MOK: variants seen among roughly 807,000 people sequenced by gnomAD.
MOK encodes MAPK/MAK/MRK overlapping kinase.
Under a neutral mutation model 54.2 loss-of-function variants are expected in MOK, and 59 were observed. The observed-to-expected ratio is 1.09, with a 90% CI of 0.88 to 1.35. MOK has a LOEUF of 1.35. Ranked by LOEUF, MOK falls within the 40% of genes most tolerant of loss-of-function variation. The pLI, the probability that MOK is intolerant of heterozygous loss-of-function variation, is 0.00. For missense variants in MOK, 517 were observed against 526.2 expected, an observed-to-expected ratio of 0.98 and a Z score of 0.17; for synonymous variants, 210 against 202.7, an observed-to-expected ratio of 1.04 and a Z score of -0.31.
chr14:102,258,518 C>A (rs1425705179), intron 4 of MOK, among the ~76,000 whole-genome samples: 2 of 152,218 alleles, frequency 1.3e-5, no homozygotes, highest in Non-Finnish European at 2.9e-5. Context: ...AGTGTGAGCT[C>A]CACATGGGTG....
Position 102,232,888 on chromosome 14 carries a change from T to C in MOK, c.693-180A>G. 1 of 520,356 alleles carries C rather than the reference T, an allele frequency of 1.9e-6. No homozygotes were observed. Among genetic ancestry groups the C allele is most frequent in the South Asian group, 3.2e-5 (1 of 31,254 alleles). 32.2% of individuals were successfully genotyped at this position (520,356 alleles called of 1,614,324 possible). On this transcript the variant is annotated intron_variant, in intron 8 of 11. Coordinates refer to ENST00000361847, the MANE Select transcript of MOK (RefSeq NM_014226.3). The surrounding 1 kb of genome is among the most constrained non-coding windows in gnomAD (Gnocchi z 5.1). ...GACCCCTGATGTAAATGATGGGCTC[T>C]GTGTAGTAATGAGATATCCACGGTT...
chr14:102,284,509 C>G (rs1034251230), intron 1 of MOK, among the ~76,000 whole-genome samples: 5 of 152,018 alleles, frequency 3.3e-5, no homozygotes, highest in African/African-American at 1.2e-4. Flanking sequence ...GGCTATACCA[C>G]TTTTCAAGCA....
chr14:102,225,989 T>G, downstream of MOK: 1 of 346,796 alleles, frequency 2.9e-6, no homozygotes, highest in Non-Finnish European at 5.3e-6. Flanking sequence ...CAGGAAGAGG[T>G]CGGCCGTGCC....
At chr14:102,261,208 T>C (rs1242769185) in intron 4 of MOK, among the ~76,000 whole-genome samples, 1 of 141,442 alleles carries the variant, frequency 7.1e-6, no homozygotes, top group Non-Finnish European at 1.5e-5. Context: ...AGTGAGCTGA[T>C]TGCACCATTG....
intron 1 of MOK, among the ~76,000 whole-genome samples, chr14:102,291,957 C>CAAA (rs36041386): frequency 1.5e-5 from 2 of 133,658 alleles, no homozygotes; most frequent in South Asian, 2.3e-4. Context: ...AACTCTGTCT[C>CAAA]AAAAAAAAAA....
chr14:102,296,329 CTACAA>C (rs1159014652), intron 1 of MOK, among the ~76,000 whole-genome samples: 3 of 151,220 alleles, frequency 2.0e-5, no homozygotes, highest in Non-Finnish European at 2.9e-5. Context: ...ATCCTACAAG[CTACAA>C]TACAACATAT....
intron 1 of MOK, among the ~76,000 whole-genome samples, chr14:102,301,699 G>A (rs1347677043): frequency 6.6e-6 from 1 of 152,110 alleles, no homozygotes; most frequent in Non-Finnish European, 1.5e-5. Flanking sequence ...AAACCAGGGG[G>A]ATAAAAGGTT....
chr14:102,259,705 A>G (rs1244686272), intron 4 of MOK, among the ~76,000 whole-genome samples: 1 of 152,172 alleles, frequency 6.6e-6, no homozygotes, highest in East Asian at 1.9e-4. Context: ...TGGACAAGCA[A>G]CTTATCTCCC....
At chr14:102,223,168 T>C, downstream of MOK, 1 of 212,942 alleles carries the variant, frequency 4.7e-6, no homozygotes, top group Admixed American at 5.4e-5. Flanking sequence ...AAATTTCATA[T>C]ATATATAATA....
intron 7 of MOK, among the ~76,000 whole-genome samples, chr14:102,242,093 G>C (rs1370513465): frequency 6.6e-6 from 1 of 152,186 alleles, no homozygotes; most frequent in African/African-American, 2.4e-5. Flanking sequence ...CTTGGCTTTA[G>C]CGGCTGAAGA....
intron 1 of MOK, 98 bp downstream of exon 1, chr14:102,304,864 C>T: frequency 7.2e-7 from 1 of 1,383,544 alleles, no homozygotes; most frequent in Non-Finnish European, 1.0e-6. Context: ...CGACGACGCC[C>T]GGCCCCACAG....
intron 1 of MOK, among the ~76,000 whole-genome samples, chr14:102,286,912 A>AAATAATAATAATAAT (rs56108099): frequency 6.9e-6 from 1 of 145,508 alleles, no homozygotes; most frequent in African/African-American, 2.6e-5. Flanking sequence ...TCCGTCTCAA[A>AAATAATAATAATAAT]AATAATAATA....
intron 4 of MOK, among the ~76,000 whole-genome samples, chr14:102,259,995 T>C (rs1338527715): frequency 6.6e-6 from 1 of 151,908 alleles, no homozygotes; most frequent in Non-Finnish European, 1.5e-5. Flanking sequence ...CTGACCAACA[T>C]GGAAAAACCC....
chr14:102,222,603 G>C (rs143244586), downstream of MOK, among the ~76,000 whole-genome samples: 1 of 152,164 alleles, frequency 6.6e-6, no homozygotes, highest in Non-Finnish European at 1.5e-5. This position sits in a 1 kb window ranked among gnomAD's most constrained non-coding sequence, Gnocchi z 4.4. Context: ...TCTCTTGGAC[G>C]GTATTGAGGC....
At chr14:102,221,722 G>A (rs955061696), downstream of MOK, among the ~76,000 whole-genome samples, 20 of 152,210 alleles carry the variant, frequency 1.3e-4, no homozygotes, top group Admixed American at 7.2e-4. The surrounding 1 kb of genome is among the most constrained non-coding windows in gnomAD (Gnocchi z 4.8). Flanking sequence ...GCAGCAGGGC[G>A]TGGGCGAGGC....
At chr14:102,288,801 C>T (rs1243714695) in intron 1 of MOK, among the ~76,000 whole-genome samples, 1 of 152,178 alleles carries the variant, frequency 6.6e-6, no homozygotes, top group Non-Finnish European at 1.5e-5. Context: ...CTGAAGGGGA[C>T]ACCCATGATA....
downstream of MOK, chr14:102,222,783 G>T: frequency 6.2e-7 from 1 of 1,611,572 alleles, no homozygotes; most frequent in Non-Finnish European, 8.5e-7. The surrounding 1 kb of genome is among the most constrained non-coding windows in gnomAD (Gnocchi z 4.4). Context: ...GGTGGCTGTT[G>T]CCCGTCCGGT....
intron 1 of MOK, among the ~76,000 whole-genome samples, chr14:102,284,003 T>C (rs1567225437): frequency 6.6e-6 from 1 of 152,186 alleles, no homozygotes; most frequent in East Asian, 1.9e-4. Context: ...CCTGGTCCTA[T>C]AGAGGGCCCA....
intron 7 of MOK, among the ~76,000 whole-genome samples, chr14:102,239,639 G>A (rs1025717642): frequency 2.6e-5 from 4 of 152,312 alleles, no homozygotes; most frequent in South Asian, 2.1e-4. Flanking sequence ...GGGAGGCCAA[G>A]CCTGGTGAAT....
Sources: allele counts gnomAD v4.1 joint callset (sites outside exome capture counted in the v4.1 genomes callset), GRCh38; gene constraint gnomAD v4.1.1; non-coding constraint Gnocchi (gnomAD v3.1); transcripts MANE v1.5; gene names NCBI Gene and HGNC (gene_info 2026-07-23, HGNC 2026-07-21).